DENND2B: variants seen among roughly 807,000 people sequenced by gnomAD.
DENND2B encodes DENN domain-containing protein 2B.
DENND2B carries 32 observed loss-of-function variants against 116.0 expected under a neutral mutation model. The observed-to-expected ratio is 0.28, with a 90% CI of 0.21 to 0.37. The LOEUF (loss-of-function observed/expected upper bound fraction) is 0.37. Among genes scored for constraint, DENND2B ranks in the 10% least tolerant of loss-of-function variants. The pLI is 1.00. For missense variants in DENND2B, 1,276 were observed against 1,477.7 expected (o/e 0.86, Z 2.24); for synonymous variants, 588 against 583.9 (o/e 1.01, Z -0.10).
At chr11:8,903,112 C>T (rs2064189639) in intron 1 of DENND2B, among the ~76,000 whole-genome samples, 1 of 152,214 alleles carries the variant, frequency 6.6e-6, no homozygotes, top group Admixed American at 6.5e-5. Flanking sequence ...CCCACCTTGG[C>T]TTCCCAAAGT....
chr11:8,697,271 A>G (rs564006141), intron 17 of DENND2B, among the ~76,000 whole-genome samples: 39 of 152,382 alleles, frequency 2.6e-4, no homozygotes, highest in African/African-American at 9.1e-4. Context: ...ATCTCCTGCA[A>G]TGGCTTGAGG....
intron 1 of DENND2B, among the ~76,000 whole-genome samples, chr11:8,760,993 T>A (rs1479188101): frequency 6.6e-6 from 1 of 151,010 alleles, no homozygotes; most frequent in Admixed American, 6.7e-5. Context: ...TGTCCACTTA[T>A]CATTCCCACA....
rs530673216 is a variant in DENND2B, at chr11:8,707,372, T to A, written c.2431-147A>T. The A allele has an allele frequency of 2.0e-5, 21 of 1,058,012 alleles. No individual in the cohort carries two copies. Among genetic ancestry groups the A allele is most frequent in the Non-Finnish European group, 2.8e-5 (21 of 756,626 alleles). 65.5% of individuals were successfully genotyped at this position (1,058,012 alleles called of 1,614,324 possible). A position where few individuals can be genotyped will look rare whatever the true frequency, so the allele number is the denominator to read the frequency against. On this transcript the variant is annotated intron_variant, in intron 12 of 19. Coordinates refer to ENST00000313726, the MANE Select transcript of DENND2B (RefSeq NM_213618.2). The surrounding 1 kb of genome is among the most constrained non-coding windows in gnomAD (Gnocchi z 4.8). ...GGTGGTCTTGCCATGATCTGCACAC[T>A]CTACCCTTCCCGTTTTCCTTGGCAC...
chr11:8,776,173 CACACA>C (rs2057684757), intron 1 of DENND2B: 1 of 454,814 alleles, frequency 2.2e-6, no homozygotes, highest in Non-Finnish European at 4.4e-6. Flanking sequence ...CACACACACA[CACACA>C]CACACACACC....
At chr11:8,714,554 G>A (rs561383921) in intron 7 of DENND2B, 56 bp downstream of exon 7, 36 of 1,465,764 alleles carry the variant, frequency 2.5e-5, no homozygotes, top group Non-Finnish European at 3.1e-5. Flanking sequence ...TGCCTCTCCC[G>A]TTCCTAATGC....
chr11:8,796,907 G>A (rs2059865419), intron 1 of DENND2B, among the ~76,000 whole-genome samples: 1 of 152,006 alleles, frequency 6.6e-6, no homozygotes, highest in African/African-American at 2.4e-5. Flanking sequence ...ATATGGACTC[G>A]CATTCTCAGT....
chr11:8,817,200 A>G (rs943968447), intron 4 of DENND2B, among the ~76,000 whole-genome samples: 3 of 152,218 alleles, frequency 2.0e-5, no homozygotes, highest in Admixed American at 6.5e-5. Context: ...CAAAGCAGAC[A>G]TTGAACAGCT....
At chr11:8,749,407 A>T (rs2051919460) in intron 2 of DENND2B, among the ~76,000 whole-genome samples, 1 of 152,224 alleles carries the variant, frequency 6.6e-6, no homozygotes, top group African/African-American at 2.4e-5. Context: ...CTGCAAGTGG[A>T]TAGTCAGTTT....
chr11:8,712,523 G>A lies in DENND2B; in HGVS notation c.2172+28C>T. 5.8e-6 allele frequency: 9 copies of A among 1,542,822 alleles called. No homozygotes were observed. The highest frequency in any genetic ancestry group is 7.9e-6 in the Non-Finnish European group (9 of 1,140,818). ...TAGAGGATGGAAGAGGGGGAATATGGGCAAGGTGGGGAGAGAGAAGGCCTC... is the reference window on the plus strand; with the variant it reads ...TAGAGGATGGAAGAGGGGGAATATGAGCAAGGTGGGGAGAGAGAAGGCCTC... On this transcript the variant is annotated intron_variant, in intron 9 of 19. Transcript: ENST00000313726. This position sits in a 1 kb window ranked among gnomAD's most constrained non-coding sequence, Gnocchi z 4.4.
In DENND2B at chr11:8,730,610, C is replaced by T; in HGVS notation, c.680G>A (p.Arg227Lys). 8.1e-6 allele frequency: 13 copies of T among 1,613,124 alleles called. No homozygotes were observed. Among genetic ancestry groups the T allele is most frequent in the Non-Finnish European group, 1.1e-5 (13 of 1,180,012 alleles). ...ACACTCGGAGAAGGTCCTGCTCATC[C>T]TCCGGAGGCCCTTGAAATCAAAGGT... ...EKTFDFKGLR[R>K]MSRTFSECSY... Residue 227 changes from arginine to lysine, a missense_variant, in exon 3 of 20, where the codon AGG becomes AAG. Physicochemically the swap from Arg to Lys is conservative, Grantham distance 26 (BLOSUM62 2). Around this residue, in one of 2 missense-constraint regions of DENND2B, gnomAD observed 856 missense variants for 846.6 expected, o/e 1.01. Transcript: ENST00000313726. The surrounding 1 kb of genome is among the most constrained non-coding windows in gnomAD (Gnocchi z 4.1).
chr11:8,821,119 CAA>C (rs372858193), intron 4 of DENND2B, among the ~76,000 whole-genome samples: 38 of 102,406 alleles, frequency 3.7e-4, no homozygotes, highest in Middle Eastern at 6.0e-3. Context: ...GACTCTGCCT[CAA>C]AAAAAAAAAA....
intron 3 of DENND2B, among the ~76,000 whole-genome samples, chr11:8,846,051 T>C (rs567185326): frequency 6.6e-6 from 1 of 152,142 alleles, no homozygotes; most frequent in Admixed American, 6.6e-5. Context: ...CTCATGTGCA[T>C]CATTCCCCAC....
intron 13 of DENND2B, chr11:8,703,707 C>T (rs949740146): frequency 1.3e-5 from 2 of 152,230 alleles, no homozygotes; most frequent in African/African-American, 4.8e-5. Context: ...ATTTGTTCCT[C>T]AGAGTCTAAG....
rs367910672 is a variant in DENND2B, at chr11:8,730,210, A to G, written c.1080T>C (p.Thr360=). The change falls in exon 3 of 20, where the codon ACT becomes ACC. Residue 360 remains threonine, a synonymous_variant. Transcript: ENST00000313726. The surrounding 1 kb of genome is among the most constrained non-coding windows in gnomAD (Gnocchi z 4.1). ...PPPEREGSGS[T]KPGTPGNSPS... ...GGCTATTTCCAGGGGTCCCGGGCTTAGTGGAACCACTGCCTTCCCTCTCTG... is the reference window on the plus strand; with the variant it reads ...GGCTATTTCCAGGGGTCCCGGGCTTGGTGGAACCACTGCCTTCCCTCTCTG... 5.8e-5 allele frequency: 94 copies of G among 1,613,332 alleles called. No homozygotes were observed. The highest frequency in any genetic ancestry group is 7.7e-5 in the Non-Finnish European group (91 of 1,179,652).
At chr11:8,888,121 T>C (rs780585097) in intron 1 of DENND2B, among the ~76,000 whole-genome samples, 5 of 152,224 alleles carry the variant, frequency 3.3e-5, no homozygotes, top group Admixed American at 3.3e-4. Context: ...CTAGAGTCTA[T>C]TGAAGGTTTG....
chr11:8,779,607 G>A (rs1427194238), intron 1 of DENND2B, among the ~76,000 whole-genome samples: 3 of 149,576 alleles, frequency 2.0e-5, no homozygotes, highest in Non-Finnish European at 4.4e-5. Context: ...CTTACCTCCC[G>A]GGTTCAAGTG....
intron 1 of DENND2B, among the ~76,000 whole-genome samples, chr11:8,780,196 T>C (rs1161457639): frequency 6.6e-6 from 1 of 152,236 alleles, no homozygotes; most frequent in Admixed American, 6.5e-5. Flanking sequence ...ATATGTTTAG[T>C]GCTGTTTGGA....
intron 2 of DENND2B, 104 bp downstream of exon 2, chr11:8,750,517 C>G: frequency 1.0e-6 from 1 of 991,782 alleles, no homozygotes; most frequent in South Asian, 1.4e-5. Flanking sequence ...GACCAGTCAC[C>G]TGGATGACTG....
chr11:8,862,528 G>T (rs1404020216), intron 2 of DENND2B, among the ~76,000 whole-genome samples: 3 of 151,620 alleles, frequency 2.0e-5, no homozygotes, highest in Non-Finnish European at 1.5e-5. Context: ...AGAGATAGGG[G>T]TTTACCATGT....
Sources: gnomAD v4.1 joint callset for allele counts (sites outside exome capture counted in the v4.1 genomes callset) on GRCh38, gnomAD v4.1.1 for gene constraint, gnomAD v4.1.1 regional missense constraint, Gnocchi (gnomAD v3.1) non-coding constraint, MANE v1.5 for transcripts, NCBI Gene and HGNC (gene_info 2026-07-23, HGNC 2026-07-21) for gene names.